Variants in FARP1 observed in about 807,000 individuals in gnomAD.
The protein encoded by FARP1 is FERM, ARH/RhoGEF and pleckstrin domain protein 1.
Under a neutral mutation model 128.8 loss-of-function variants are expected in FARP1, and 52 were observed. The ratio of observed to expected loss-of-function variants is 0.40; its 90% CI spans 0.32 to 0.51. The LOEUF is 0.51. FARP1 is among the 20% of genes least tolerant of loss of function. The pLI is 0.45. For missense variants in FARP1, 1,333 were observed against 1,367.9 expected (o/e 0.97, Z 0.40); for synonymous variants, 580 against 551.8 (o/e 1.05, Z -0.72).
intron 1 of FARP1, among the ~76,000 whole-genome samples, chr13:98,209,078 G>A (rs539419377): frequency 1.7e-4 from 26 of 152,188 alleles, no homozygotes; most frequent in South Asian, 2.1e-4. Context: ...GCACGATCTC[G>A]GCTCACTGTA....
intron 8 of FARP1, among the ~76,000 whole-genome samples, chr13:98,386,412 G>A (rs1347288387): frequency 6.6e-6 from 1 of 152,104 alleles, no homozygotes; most frequent in African/African-American, 2.4e-5. Flanking sequence ...TCTAAAATGT[G>A]TGCTCTATTG....
chr13:98,417,049 G>T (rs539232638), intron 16 of FARP1, among the ~76,000 whole-genome samples: 1 of 152,324 alleles, frequency 6.6e-6, no homozygotes, highest in East Asian at 1.9e-4. Flanking sequence ...CTGTGAGACA[G>T]TGAGGAAGGA....
At chr13:98,241,977 T>C (rs1271416113) in intron 2 of FARP1, among the ~76,000 whole-genome samples, 2 of 152,154 alleles carry the variant, frequency 1.3e-5, no homozygotes, top group Non-Finnish European at 2.9e-5. Context: ...CGGTGGTATG[T>C]GCCTGTAGTC....
At chr13:98,195,535 G>A (rs9300464) in intron 1 of FARP1, among the ~76,000 whole-genome samples, 56,496 of 151,954 alleles carry the variant, frequency 0.37, 12,301 homozygotes, top group Non-Finnish European at 0.48. Flanking sequence ...GACTTCAGGC[G>A]GGGCATCCAG....
chr13:98,326,237 C>T (rs1887228008), intron 2 of FARP1, among the ~76,000 whole-genome samples: 1 of 152,180 alleles, frequency 6.6e-6, no homozygotes, highest in African/African-American at 2.4e-5. Flanking sequence ...CCTATAATAT[C>T]GTTCTGGAAA....
At chr13:98,322,340 G>A (rs1369484186) in intron 2 of FARP1, among the ~76,000 whole-genome samples, 1 of 152,188 alleles carries the variant, frequency 6.6e-6, no homozygotes, top group Non-Finnish European at 1.5e-5. Flanking sequence ...ATAGGACTTA[G>A]GAGAGAGTCA....
chr13:98,330,095 T>G (rs912271454), intron 2 of FARP1: 5 of 152,388 alleles, frequency 3.3e-5, no homozygotes, highest in Non-Finnish European at 5.9e-5. Context: ...CCACAAAGAT[T>G]TCTGGGGACA....
chr13:98,441,112 C>G (rs1892505978), intron 24 of FARP1, among the ~76,000 whole-genome samples: 1 of 152,252 alleles, frequency 6.6e-6, no homozygotes, highest in Admixed American at 6.5e-5. Context: ...GTCGTTTTCT[C>G]TCTTTCTTCG....
intron 3 of FARP1, among the ~76,000 whole-genome samples, chr13:98,353,381 T>C (rs566974803): frequency 4.1e-4 from 62 of 152,278 alleles, no homozygotes; most frequent in Admixed American, 3.3e-3. Context: ...TGCAGTATTA[T>C]TATTATTACT....
chr13:98,295,420 C>T (rs1196075795), intron 2 of FARP1, among the ~76,000 whole-genome samples: 4 of 152,076 alleles, frequency 2.6e-5, no homozygotes, highest in South Asian at 2.1e-4. Flanking sequence ...ATTCTTGCTC[C>T]GTGGGGGAAT....
At chr13:98,363,222 G>T (rs1369266830) in intron 3 of FARP1, among the ~76,000 whole-genome samples, 4 of 152,206 alleles carry the variant, frequency 2.6e-5, no homozygotes, top group Non-Finnish European at 5.9e-5. Flanking sequence ...CTGCAGCCAT[G>T]ATGATCATCT....
chr13:98,240,188 T>C (rs1206686395), intron 2 of FARP1, among the ~76,000 whole-genome samples: 1 of 152,146 alleles, frequency 6.6e-6, no homozygotes, highest in Non-Finnish European at 1.5e-5. Context: ...CATGAGTTAT[T>C]AGCACAACCG....
chr13:98,411,131 A>C (rs1410492923), intron 15 of FARP1, among the ~76,000 whole-genome samples: 1 of 152,220 alleles, frequency 6.6e-6, no homozygotes, highest in Non-Finnish European at 1.5e-5. Flanking sequence ...CCCATTGCCA[A>C]GTATAACTGC....
chr13:98,395,265 C>T lies in FARP1; in HGVS notation c.1203C>T (p.Ala401=). Reference sequence around the variant, plus strand: ...CCAGCCTTACATTTGGAGAAGGTGCCGAATCTCCAGGGGGCCAGAGCTGCC... The same window carrying T: ...CCAGCCTTACATTTGGAGAAGGTGCTGAATCTCCAGGGGGCCAGAGCTGCC... ...QSTSLTFGEG[A]ESPGGQSCRR... Residue 401 remains alanine, a synonymous_variant, in exon 13 of 27, where the codon GCC becomes GCT. Coordinates refer to ENST00000319562, the MANE Select transcript of FARP1 (RefSeq NM_005766.4). 3 of 1,605,696 alleles carry T rather than the reference C, an allele frequency of 1.9e-6. No homozygotes were observed. The highest frequency in any genetic ancestry group is 2.6e-6 in the Non-Finnish European group (3 of 1,173,408).
At chr13:98,326,090 A>G (rs1887221374) in intron 2 of FARP1, among the ~76,000 whole-genome samples, 1 of 152,354 alleles carries the variant, frequency 6.6e-6, no homozygotes, top group South Asian at 2.1e-4. Context: ...TCAAACATAA[A>G]GACACAAATG....
intron 17 of FARP1, among the ~76,000 whole-genome samples, chr13:98,429,036 T>C (rs1411962057): frequency 6.6e-6 from 1 of 152,256 alleles, no homozygotes; most frequent in East Asian, 1.9e-4. Flanking sequence ...TTGCAGGATG[T>C]CACCATTGAG....
At chr13:98,431,335 G>A in intron 18 of FARP1, 55 bp downstream of exon 18, 2 of 1,296,522 alleles carry the variant, frequency 1.5e-6, no homozygotes, top group African/African-American at 2.9e-5. Flanking sequence ...CAGGCCGGGT[G>A]CTCCCAGACT....
At chr13:98,147,330 G>T (rs1875646820) in intron 1 of FARP1, among the ~76,000 whole-genome samples, 1 of 152,108 alleles carries the variant, frequency 6.6e-6, no homozygotes, top group Admixed American at 6.6e-5. Flanking sequence ...TTAGTTTAAT[G>T]TGGGATGGAA....
At chr13:98,305,064 G>A (rs569448485) in intron 2 of FARP1, among the ~76,000 whole-genome samples, 206 of 151,976 alleles carry the variant, frequency 1.4e-3, no homozygotes, top group African/African-American at 4.6e-3. Flanking sequence ...GTAATTTGTG[G>A]TTGAAAGATG....
Sources: gnomAD v4.1 joint callset for allele counts (sites outside exome capture counted in the v4.1 genomes callset) on GRCh38, gnomAD v4.1.1 for gene constraint, MANE v1.5 for transcripts, NCBI Gene and HGNC (gene_info 2026-07-23, HGNC 2026-07-21) for gene names.